The following AKAP12 variants were observed in gnomAD, a reference collection of about 807,000 sequenced individuals.
AKAP12 encodes A-kinase anchoring protein 12.
In AKAP12, 32 loss-of-function variants were observed where a neutral mutation model predicts 79.9. That is an observed-to-expected ratio of 0.40 (90% confidence interval 0.30 to 0.54). The LOEUF is 0.54. AKAP12 is among the 20% of genes least tolerant of loss of function. AKAP12 has a pLI of 0.48. For missense variants in AKAP12, 2,074 were observed against 2,177.0 expected (o/e 0.95, Z 0.94); for synonymous variants, 808 against 857.0 (o/e 0.94, Z 1.00).
intron 2 of AKAP12, among the ~76,000 whole-genome samples, chr6:151,277,294 T>C (rs988192738): frequency 2.6e-5 from 4 of 152,232 alleles, no homozygotes; most frequent in Non-Finnish European, 5.9e-5. Flanking sequence ...AAGCAATATG[T>C]ATGCTCTTGA....
chr6:151,242,881 G>A (rs895063079), intron 2 of AKAP12, among the ~76,000 whole-genome samples: 1 of 152,212 alleles, frequency 6.6e-6, no homozygotes, highest in Non-Finnish European at 1.5e-5. Context: ...AAAGAGGAAG[G>A]GGTGATATTG....
At chr6:151,267,748 C>T (rs1479254987) in intron 2 of AKAP12, among the ~76,000 whole-genome samples, 2 of 152,304 alleles carry the variant, frequency 1.3e-5, no homozygotes, top group African/African-American at 2.4e-5. Flanking sequence ...AAGACACCAT[C>T]GCTATGTATC....
intron 2 of AKAP12, among the ~76,000 whole-genome samples, chr6:151,301,000 T>A (rs1381759883): frequency 1.3e-5 from 2 of 152,214 alleles, no homozygotes; most frequent in Non-Finnish European, 2.9e-5. Context: ...GATAAAGCTA[T>A]GCGAGGAAGC....
At chr6:151,312,727 G>A (rs180829544) in intron 3 of AKAP12, among the ~76,000 whole-genome samples, 2,540 of 147,552 alleles carry the variant, frequency 0.017, 26 homozygotes, top group Non-Finnish European at 0.027. Flanking sequence ...GGGAGCTGGA[G>A]GTTGTAGTAA....
intron 3 of AKAP12, 99 bp from the exon 4 acceptor site, chr6:151,348,612 C>T (rs1034890269): frequency 8.4e-5 from 75 of 891,658 alleles, no homozygotes; most frequent in African/African-American, 5.7e-4. Context: ...GCCCTCCAGC[C>T]GGGGCAAGAG....
At chr6:151,334,228 T>G (rs889414932) in intron 3 of AKAP12, among the ~76,000 whole-genome samples, 4 of 152,216 alleles carry the variant, frequency 2.6e-5, no homozygotes, top group Non-Finnish European at 4.4e-5. Flanking sequence ...TTTTCTCCCC[T>G]TGAAATGTTG....
At chr6:151,305,469 G>A (rs1282621923) in intron 2 of AKAP12, among the ~76,000 whole-genome samples, 2 of 152,116 alleles carry the variant, frequency 1.3e-5, no homozygotes, top group African/African-American at 4.8e-5. Context: ...ATTTGAAATA[G>A]GTCTGGAAAG....
chr6:151,332,149 G>A (rs1289908924), intron 3 of AKAP12, among the ~76,000 whole-genome samples: 1 of 148,298 alleles, frequency 6.7e-6, no homozygotes, highest in East Asian at 2.1e-4. Flanking sequence ...TGATTCTCCT[G>A]CCTCAGCCTC....
intron 2 of AKAP12, among the ~76,000 whole-genome samples, chr6:151,292,966 A>G (rs1555105): frequency 0.91 from 138,311 of 152,284 alleles, 63,199 homozygotes; most frequent in East Asian, 0.99. Context: ...TGATACTCCT[A>G]TCTTAGGGAC....
intron 3 of AKAP12, among the ~76,000 whole-genome samples, chr6:151,332,039 T>TTG (rs1562743243): frequency 1.2e-4 from 16 of 138,186 alleles, no homozygotes; most frequent in Admixed American, 2.2e-4. Flanking sequence ...GTCTGTTTTT[T>TTG]TTTTTTTTTT....
chr6:151,352,143 C>T lies in AKAP12; in HGVS notation c.3752C>T (p.Ser1251Leu). ...DTLEHTDKEV[S>L]VETVSILSKT... ...CTAGAGCATACAGATAAAGAGGTGT[C>T]AGTGGAAACTGTATCCATTCTGTCA... Residue 1251 changes from serine to leucine, a missense_variant, in exon 4 of 5, where the codon TCA (serine) becomes TTA (leucine). Transcript: ENST00000402676. The T allele has an allele frequency of 6.2e-7, 1 of 1,614,104 alleles. No homozygotes were observed. Among genetic ancestry groups the T allele is most frequent in the Non-Finnish European group, 8.5e-7 (1 of 1,180,010 alleles).
Position 151,351,826 on chromosome 6 carries a change from T to G in AKAP12, c.3435T>G (p.Ala1145=), listed in dbSNP as rs1345245429. 1.9e-6 allele frequency: 3 copies of G among 1,613,818 alleles called. No individual in the cohort carries two copies. The highest frequency in any genetic ancestry group is 2.2e-5 in the South Asian group (2 of 91,060). ...LVTTCQAETL[A]GVKSQEMVME... ...CCACTTGTCAAGCCGAAACCTTAGCTGGGGTAAAATCACAGGAGATGGTGA... is the reference window on the plus strand; with the variant it reads ...CCACTTGTCAAGCCGAAACCTTAGCGGGGGTAAAATCACAGGAGATGGTGA... The change falls in exon 4 of 5, where the codon GCT becomes GCG. Residue 1145 remains alanine (A), a synonymous_variant. Transcript: ENST00000402676. This position sits in a 1 kb window ranked among gnomAD's most constrained non-coding sequence, Gnocchi z 4.4.
intron 2 of AKAP12, among the ~76,000 whole-genome samples, chr6:151,286,722 T>A (rs978911797): frequency 1.3e-5 from 2 of 152,222 alleles, no homozygotes; most frequent in Non-Finnish European, 2.9e-5. Context: ...CACTTTGTAC[T>A]CTGTCTTTCC....
intron 2 of AKAP12, among the ~76,000 whole-genome samples, chr6:151,287,356 TCTCAGGTGATC>T (rs1217316644): frequency 6.6e-6 from 1 of 152,214 alleles, no homozygotes; most frequent in East Asian, 1.9e-4. Context: ...ACTTCCTTGG[TCTCAGGTGATC>T]CTCCCACCTT....
chr6:151,348,680 T>TTGG, intron 3 of AKAP12, 31 bp from the exon 4 acceptor site: 1 of 355,202 alleles, frequency 2.8e-6, no homozygotes. Context: ...TTTTCTCTTC[T>TTGG]CCCCACCCCC....
chr6:151,303,862 C>T (rs1776916039), intron 2 of AKAP12, among the ~76,000 whole-genome samples: 1 of 152,112 alleles, frequency 6.6e-6, no homozygotes, highest in South Asian at 2.1e-4. Context: ...ACAGGACCTT[C>T]AAAACATGGC....
At chr6:151,299,773 T>C (rs1379640574) in intron 2 of AKAP12, among the ~76,000 whole-genome samples, 1 of 150,590 alleles carries the variant, frequency 6.6e-6, no homozygotes, top group Admixed American at 6.6e-5. Flanking sequence ...TTTTTTTTGC[T>C]ATTATGAAGT....
chr6:151,240,774 TG>T (rs1478961322), intron 2 of AKAP12, 50 bp downstream of exon 2: 94 of 60,688 alleles, frequency 1.5e-3, no homozygotes, highest in Non-Finnish European at 2.4e-3. Context: ...TCTTTGGGGG[TG>T]GGGGTGGGGG....
chr6:151,293,667 A>G (rs1776664729), intron 2 of AKAP12, among the ~76,000 whole-genome samples: 1 of 152,218 alleles, frequency 6.6e-6, no homozygotes, highest in South Asian at 2.1e-4. Context: ...ATAACTAATC[A>G]AGAGAAGTCA....
Sources: gnomAD v4.1 joint callset for allele counts (sites outside exome capture counted in the v4.1 genomes callset) on GRCh38, gnomAD v4.1.1 for gene constraint, Gnocchi (gnomAD v3.1) non-coding constraint, MANE v1.5 for transcripts, NCBI Gene and HGNC (gene_info 2026-07-23, HGNC 2026-07-21) for gene names.